Variants in RYR3 observed in about 807,000 individuals in gnomAD.
The protein encoded by RYR3 is brain ryanodine receptor-calcium release channel.
A neutral mutation model predicts 584.3 loss-of-function variants in RYR3; 207 were observed. The ratio of observed to expected loss-of-function variants is 0.35; its 90% CI spans 0.32 to 0.40. RYR3 has a LOEUF of 0.40. Among genes scored for constraint, RYR3 ranks in the 10% least tolerant of loss-of-function variants. RYR3 has a pLI of 1.00. For synonymous variants in RYR3, 2,416 were observed against 2,248.5 expected (o/e 1.07, Z -2.11); for missense variants, 5,616 against 6,089.2 (o/e 0.92, Z 2.59).
At chr15:33,360,231 G>A (rs997991529) in intron 1 of RYR3, among the ~76,000 whole-genome samples, 2 of 152,094 alleles carry the variant, frequency 1.3e-5, no homozygotes, top group Non-Finnish European at 2.9e-5. Context: ...TTACAGTCGT[G>A]AGATAGGACA....
In RYR3 at chr15:33,813,506, A is replaced by G. The variant is rs1291119981; in HGVS notation, c.10429A>G (p.Lys3477Glu). The G allele has an allele frequency of 1.2e-6, 2 of 1,613,968 alleles. No homozygotes were observed. The highest frequency in any genetic ancestry group is 1.7e-6 in the Non-Finnish European group (2 of 1,179,874). ...PLRSKKAVWHKLLSKQRKRAV... is the reference protein window; with the variant it reads ...PLRSKKAVWHELLSKQRKRAV... Reference sequence around the variant, plus strand: ...GAGGTCCAAGAAGGCCGTCTGGCACAAACTGTTATCAAAGCAACGGAAACG... The same window carrying G: ...GAGGTCCAAGAAGGCCGTCTGGCACGAACTGTTATCAAAGCAACGGAAACG... Residue 3477 changes from lysine (K) to glutamate (E), a missense_variant, in exon 74 of 104, where the codon AAA becomes GAA. Lys to Glu is a moderately conservative substitution (Grantham distance 56). Transcript: ENST00000634891.
At chr15:33,578,801 G>C (rs528380212) in intron 12 of RYR3, among the ~76,000 whole-genome samples, 3 of 142,864 alleles carry the variant, frequency 2.1e-5, no homozygotes, top group South Asian at 2.2e-4. Context: ...AAAACTCCTC[G>C]TGATGTTACT....
intron 5 of RYR3, among the ~76,000 whole-genome samples, chr15:33,535,794 A>G (rs2055278379): frequency 6.6e-6 from 1 of 152,220 alleles, no homozygotes; most frequent in African/African-American, 2.4e-5. Context: ...TTTTAAACTG[A>G]TGAAATTCAC....
chr15:33,680,887 C>A (rs979655038), intron 38 of RYR3, among the ~76,000 whole-genome samples: 1 of 152,156 alleles, frequency 6.6e-6, no homozygotes, highest in Non-Finnish European at 1.5e-5. Flanking sequence ...GACATGCAGC[C>A]GGTTCTGGCT....
intron 36 of RYR3, among the ~76,000 whole-genome samples, chr15:33,667,960 C>G (rs544582708): frequency 5.3e-5 from 8 of 150,468 alleles, no homozygotes; most frequent in African/African-American, 2.0e-4. Flanking sequence ...CTACTCGGCA[C>G]CCTGAGGCAG....
intron 1 of RYR3, among the ~76,000 whole-genome samples, chr15:33,335,748 C>T (rs2140735244): frequency 6.6e-6 from 1 of 151,172 alleles, no homozygotes; most frequent in Admixed American, 6.6e-5. Flanking sequence ...ATCAGTGGAT[C>T]AGTTTTGGCC....
chr15:33,734,512 C>A (rs1194542873), intron 48 of RYR3, among the ~76,000 whole-genome samples: 1 of 152,036 alleles, frequency 6.6e-6, no homozygotes, highest in Non-Finnish European at 1.5e-5. Flanking sequence ...CAGCTGCGAT[C>A]GTGTTCCACC....
chr15:33,635,709 T>C lies in RYR3; in HGVS notation c.3271T>C (p.Phe1091Leu), dbSNP rs1173998611. The C allele has an allele frequency of 6.2e-7, 1 of 1,613,818 alleles. No homozygotes were observed. The highest frequency in any genetic ancestry group is 8.5e-7 in the Non-Finnish European group (1 of 1,179,892). ...AVRSGKWYFE[F>L]EVVTGGDMRV... The stretch of plus-strand genomic sequence containing the variant: ...GAGATCTGGAAAGTGGTATTTTGAG[T>C]TTGAAGTGGTGACTGGAGGAGACAT... Residue 1091 changes from phenylalanine (F) to leucine (L), a missense_variant, in exon 26 of 104, where the codon TTT becomes CTT. Transcript: ENST00000634891.
At chr15:33,645,493 A>G (rs1267102314) in intron 28 of RYR3, among the ~76,000 whole-genome samples, 1 of 152,210 alleles carries the variant, frequency 6.6e-6, no homozygotes, top group East Asian at 1.9e-4. Context: ...TAAATAGTAG[A>G]GACTTTTCTC....
intron 99 of RYR3, 52 bp downstream of exon 99, chr15:33,857,966 C>G: frequency 6.2e-7 from 1 of 1,605,448 alleles, no homozygotes; most frequent in African/African-American, 1.3e-5. Flanking sequence ...GGCCACCCCG[C>G]CCCACCACCT....
Position 33,513,183 on chromosome 15 carries a change from G to A in RYR3, c.279+9445G>A, listed in dbSNP as rs535610731. ...GAGTTTTCCTTTGATCATGTAATTC[G>A]CTTTTTAATAAATACCTGAGTTTAA... On this transcript the variant is annotated intron_variant, in intron 3 of 103. Coordinates refer to ENST00000634891, the MANE Select transcript of RYR3 (RefSeq NM_001036.6). Among the ~76,000 whole-genome samples, 66 of 152,240 alleles carry A rather than the reference G, an allele frequency of 4.3e-4. No individual in the cohort carries two copies. The South Asian group carries it at 0.011, about 26-fold the overall frequency.
chr15:33,372,353 G>A lies in RYR3; in HGVS notation c.51+61257G>A, dbSNP rs545102331. Among the ~76,000 whole-genome samples the A allele has an allele frequency of 1.5e-3, 220 of 144,420 alleles. 1 individual carries two copies. The highest frequency in any genetic ancestry group is 3.7e-3 in the Middle Eastern group (1 of 272). 94.7% of individuals were successfully genotyped at this position (144,420 alleles called of 152,430 possible). On this transcript the variant is annotated intron_variant, in intron 1 of 103. Coordinates refer to ENST00000634891, the MANE Select transcript of RYR3 (RefSeq NM_001036.6). ...ACTCAAGATGCACTCTGCCATGCCC[G>A]GCTAATTTTTTTTTTTTTTTTTTTT...
chr15:33,321,724 G>GA (rs1209184528), intron 1 of RYR3, among the ~76,000 whole-genome samples: 1 of 152,168 alleles, frequency 6.6e-6, no homozygotes, highest in Admixed American at 6.5e-5. Flanking sequence ...ACTAAAGCAA[G>GA]ATTTCTTCAA....
Position 33,503,857 on chromosome 15 carries a change from G to A in RYR3, c.279+119G>A, listed in dbSNP as rs534427623. ...TTAAGACTGTTGAGATGATTCATAT[G>A]GAGATAGTAAATCTTTCTCCCTGAG... On this transcript the variant is annotated intron_variant, in intron 3 of 103. Coordinates refer to ENST00000634891, the MANE Select transcript of RYR3 (RefSeq NM_001036.6). 92 of 647,398 alleles carry A rather than the reference G, an allele frequency of 1.4e-4. No homozygotes were observed. In the African/African-American group the frequency reaches 1.5e-3, roughly 11 times the overall value. 40.1% of individuals were successfully genotyped at this position (647,398 alleles called of 1,614,324 possible).
At chr15:33,803,937 T>C (rs1164679350) in intron 69 of RYR3, among the ~76,000 whole-genome samples, 1 of 152,244 alleles carries the variant, frequency 6.6e-6, no homozygotes, top group African/African-American at 2.4e-5. Context: ...GGATCCTGGA[T>C]GAGCAGAAAT....
At chr15:33,362,018 G>A (rs1052500654) in intron 1 of RYR3, among the ~76,000 whole-genome samples, 3 of 152,186 alleles carry the variant, frequency 2.0e-5, no homozygotes, top group African/African-American at 7.2e-5. Flanking sequence ...GCATTCCCAA[G>A]GCTGAGCCTC....
At chr15:33,404,293 C>T (rs1001650527) in intron 1 of RYR3, among the ~76,000 whole-genome samples, 1 of 152,110 alleles carries the variant, frequency 6.6e-6, no homozygotes, top group Non-Finnish European at 1.5e-5. Context: ...TTCATGTGCT[C>T]GTTTAATCTT....
intron 1 of RYR3, among the ~76,000 whole-genome samples, chr15:33,312,952 A>C (rs557541547): frequency 6.6e-6 from 1 of 152,318 alleles, no homozygotes; most frequent in Admixed American, 6.5e-5. Context: ...CCTGCCCTAG[A>C]GATCAGAGCT....
At chr15:33,312,732 A>G (rs1595676211) in intron 1 of RYR3, among the ~76,000 whole-genome samples, 1 of 152,188 alleles carries the variant, frequency 6.6e-6, no homozygotes, top group East Asian at 1.9e-4. Context: ...AGACAGGGTC[A>G]GTGTTGAATA....
Sources: gnomAD v4.1 joint callset for allele counts (sites outside exome capture counted in the v4.1 genomes callset) on GRCh38, gnomAD v4.1.1 for gene constraint, MANE v1.5 for transcripts, NCBI Gene and HGNC (gene_info 2026-07-23, HGNC 2026-07-21) for gene names.